The following GK5 variants were observed in gnomAD, a reference collection of about 807,000 sequenced individuals.
The protein encoded by GK5 is ATP:glycerol 3-phosphotransferase 5.
In GK5, 39 loss-of-function variants were observed where a neutral mutation model predicts 77.3. The observed-to-expected ratio is 0.50, with a 90% CI of 0.39 to 0.66. The LOEUF is 0.66. Ranked by LOEUF, GK5 falls within the 30% of genes least tolerant of loss-of-function variation. The pLI is 0.00. For missense variants in GK5, 487 were observed against 633.8 expected (o/e 0.77, Z 2.49); for synonymous variants, 211 against 208.0 (o/e 1.01, Z -0.13).
chr3:142,197,522 C>T (rs1310476230), intron 5 of GK5, among the ~76,000 whole-genome samples: 1 of 152,094 alleles, frequency 6.6e-6, no homozygotes, highest in Non-Finnish European at 1.5e-5. Context: ...TTAAGTGTGT[C>T]CCTTATAGAC....
chr3:142,214,025 T>C (rs376610474), intron 2 of GK5, among the ~76,000 whole-genome samples: 1 of 152,188 alleles, frequency 6.6e-6, no homozygotes, highest in East Asian at 1.9e-4. Context: ...GGTTTTACCA[T>C]GTTGGCCAGC....
Position 142,159,864 on chromosome 3 carries a change from T to C in GK5, c.*5758A>G, listed in dbSNP as rs1219508067. On this transcript the variant is annotated 3_prime_UTR_variant, in exon 16 of 16. Coordinates refer to ENST00000392993, the MANE Select transcript of GK5 (RefSeq NM_001039547.3). ...CTCTCTCTCTCTCTCTTTTTTTTTT[T>C]TGAGACAGAGTCTCGCTCTCTCACC... The C allele has an allele frequency of 6.7e-6, 1 of 150,142 alleles. No homozygotes were observed. Among genetic ancestry groups the C allele is most frequent in the East Asian group, 1.9e-4 (1 of 5,142 alleles). The allele number at this position is 150,142 out of a possible 1,614,324, so 9.3% of individuals were successfully genotyped here. A position where few individuals can be genotyped will look rare whatever the true frequency, so the allele number is the denominator to read the frequency against.
chr3:142,204,831 G>C (rs751666912), intron 3 of GK5, 43 bp from the exon 4 acceptor site: 3 of 1,093,186 alleles, frequency 2.7e-6, no homozygotes, highest in Non-Finnish European at 4.1e-6. Flanking sequence ...GCATAAATCA[G>C]AGACTATGTT....
chr3:142,203,964 T>C lies in GK5; in HGVS notation c.411+731A>G, dbSNP rs116725988. Among the ~76,000 whole-genome samples the C allele has an allele frequency of 3.1e-3, 467 of 152,248 alleles. 4 individuals are homozygous for C. Among genetic ancestry groups the C allele is most frequent in the African/African-American group, 0.01 (431 of 41,548 alleles). On this transcript the variant is annotated intron_variant, in intron 4 of 15. Transcript: ENST00000392993. ...AGCTGACTTCATGATGTTGCTATTG[T>C]CACTGTCACCATCATCATTGTCATT...
At chr3:142,219,715 G>A (rs2107800363) in intron 1 of GK5, among the ~76,000 whole-genome samples, 1 of 152,302 alleles carries the variant, frequency 6.6e-6, no homozygotes, top group East Asian at 1.9e-4. Flanking sequence ...GGATGCAGTG[G>A]CCTGTAATCC....
chr3:142,216,071 T>C (rs1244664400), intron 1 of GK5, among the ~76,000 whole-genome samples: 2 of 152,184 alleles, frequency 1.3e-5, no homozygotes, highest in African/African-American at 4.8e-5. Flanking sequence ...TTCCGCTAAA[T>C]ACAAATATAA....
At chr3:142,221,085 T>C (rs546277104) in intron 1 of GK5, among the ~76,000 whole-genome samples, 1 of 152,118 alleles carries the variant, frequency 6.6e-6, no homozygotes, top group East Asian at 1.9e-4. Flanking sequence ...TTAAGGAAAA[T>C]TTCTAACATG....
At chr3:142,175,829 TATA>T (rs2063602091) in intron 12 of GK5, among the ~76,000 whole-genome samples, 1 of 148,362 alleles carries the variant, frequency 6.7e-6, no homozygotes, top group South Asian at 2.1e-4. Context: ...AAATATACTT[TATA>T]TTATTATTAT....
intron 4 of GK5, 117 bp from the exon 5 acceptor site, chr3:142,199,050 G>A (rs2107787898): frequency 1.5e-6 from 1 of 646,188 alleles, no homozygotes; most frequent in African/African-American, 1.9e-5. Flanking sequence ...ACTTATAATA[G>A]TGTTTTCTGC....
rs1407448771 is a variant in GK5 at position 142,159,847 on chromosome 3, C to CT, written c.*5774dup. 1.9e-5 allele frequency: 2 copies of CT among 103,152 alleles called. 1 individual carries two copies. Among genetic ancestry groups the CT allele is most frequent in the African/African-American group, 8.0e-5 (2 of 25,146 alleles). The allele number at this position is 103,152 out of a possible 1,614,324, so 6.4% of individuals were successfully genotyped here. A position where few individuals can be genotyped will look rare whatever the true frequency, so the allele number is the denominator to read the frequency against. On this transcript the variant is annotated 3_prime_UTR_variant, in exon 16 of 16. Coordinates refer to ENST00000392993, the MANE Select transcript of GK5 (RefSeq NM_001039547.3). ...TGGGGCTTTCTCTCTCTCTCTCTCT[C>CT]TCTCTCTTTTTTTTTTTTGAGACAG...
At chr3:142,221,532 T>A (rs898698461) in intron 1 of GK5, among the ~76,000 whole-genome samples, 3 of 152,212 alleles carry the variant, frequency 2.0e-5, no homozygotes, top group Admixed American at 6.5e-5. Context: ...AATTTTTTTT[T>A]ATTAAAAACA....
At chr3:142,186,623 GTAT>G (rs1404616659) in intron 6 of GK5, 110 bp from the exon 7 acceptor site, 20 of 358,436 alleles carry the variant, frequency 5.6e-5, no homozygotes, top group Non-Finnish European at 8.6e-5. Context: ...TCCAAAATGT[GTAT>G]TTTCTTTTTT....
chr3:142,173,052 A>C (rs1251931485), intron 12 of GK5: 10 of 283,690 alleles, frequency 3.5e-5, no homozygotes, highest in Non-Finnish European at 7.2e-5. Flanking sequence ...AAAACTTTAA[A>C]TATTAGCTGG....
At chr3:142,216,604 C>T (rs1210374330) in intron 1 of GK5, among the ~76,000 whole-genome samples, 1 of 152,038 alleles carries the variant, frequency 6.6e-6, no homozygotes, top group Non-Finnish European at 1.5e-5. Context: ...ATAAAAGCCC[C>T]AGCTTTTTGG....
chr3:142,192,237 G>A (rs2063862240), intron 5 of GK5, among the ~76,000 whole-genome samples: 1 of 152,210 alleles, frequency 6.6e-6, no homozygotes, highest in Non-Finnish European at 1.5e-5. Flanking sequence ...TACGGAGCAA[G>A]AGGAACTCTC....
intron 1 of GK5, among the ~76,000 whole-genome samples, chr3:142,221,192 A>G (rs1286491307): frequency 3.3e-5 from 5 of 152,214 alleles, no homozygotes; most frequent in African/African-American, 1.2e-4. Flanking sequence ...TGGAAAAAGA[A>G]TCTCTTATTC....
rs2108776529 is a variant in GK5, at chr3:142,163,043, T to C, written c.*2579A>G. Reference sequence around the variant, plus strand: ...GGACAATTTTGTTGCTCAATTGATCTTATCAACTGTTTCTGCAACCACAAA... The same window carrying C: ...GGACAATTTTGTTGCTCAATTGATCCTATCAACTGTTTCTGCAACCACAAA... On this transcript the variant is annotated 3_prime_UTR_variant, in exon 16 of 16. Transcript: ENST00000392993. 6.6e-6 allele frequency: 1 copy of C among 151,734 alleles called. No individual in the cohort carries two copies. The highest frequency in any genetic ancestry group is 6.6e-5 in the Admixed American group (1 of 15,226). 9.4% of individuals were successfully genotyped at this position (151,734 alleles called of 1,614,324 possible). A position where few individuals can be genotyped will look rare whatever the true frequency, so the allele number is the denominator to read the frequency against.
chr3:142,184,740 G>T, intron 9 of GK5: 1 of 348,422 alleles, frequency 2.9e-6, no homozygotes, highest in Non-Finnish European at 4.0e-6. Context: ...GGAGGCTGAG[G>T]CAGAAGAGTC....
chr3:142,197,006 T>C (rs1485792759), intron 5 of GK5, among the ~76,000 whole-genome samples: 1 of 152,010 alleles, frequency 6.6e-6, no homozygotes, highest in Non-Finnish European at 1.5e-5. Flanking sequence ...GCCAATACAG[T>C]GAAACCCCAT....
Sources: gnomAD v4.1 joint callset for allele counts (sites outside exome capture counted in the v4.1 genomes callset) on GRCh38, gnomAD v4.1.1 for gene constraint, MANE v1.5 for transcripts, NCBI Gene and HGNC (gene_info 2026-07-23, HGNC 2026-07-21) for gene names.